The following SLC45A4 variants were observed in gnomAD, a reference collection of about 807,000 sequenced individuals.
The protein encoded by SLC45A4 is solute carrier family 45 member 4.
SLC45A4 carries 32 observed loss-of-function variants against 63.7 expected under a neutral mutation model. The observed-to-expected ratio is 0.50, with a 90% CI of 0.38 to 0.67. The LOEUF (loss-of-function observed/expected upper bound fraction) is 0.67, where lower values mean the gene tolerates loss of function less well. Ranked by LOEUF, SLC45A4 falls within the 30% of genes least tolerant of loss-of-function variation. SLC45A4 has a pLI of 0.00. For synonymous variants in SLC45A4, 535 were observed against 510.0 expected (o/e 1.05, Z -0.66); for missense variants, 1,027 against 1,157.7 (o/e 0.89, Z 1.64).
At chr8:141,283,527 C>T (rs1030524497) in intron 1 of SLC45A4, among the ~76,000 whole-genome samples, 1 of 152,242 alleles carries the variant, frequency 6.6e-6, no homozygotes, top group African/African-American at 2.4e-5. Context: ...AAATCAATTC[C>T]AGGCATCAAC....
At chr8:141,214,639 G>A (rs550969461) in intron 7 of SLC45A4, among the ~76,000 whole-genome samples, 2 of 152,302 alleles carry the variant, frequency 1.3e-5, no homozygotes, top group South Asian at 4.1e-4. Context: ...AGACAATCTT[G>A]AAGAAGAACA....
intron 2 of SLC45A4, chr8:141,224,242 T>G (rs767528201): frequency 1.3e-5 from 2 of 151,874 alleles, no homozygotes; most frequent in East Asian, 3.9e-4. Flanking sequence ...TTGTATGTCA[T>G]GGATCCTTTT....
chr8:141,274,851 CCTT>C (rs1033221728), intron 1 of SLC45A4, among the ~76,000 whole-genome samples: 3 of 152,254 alleles, frequency 2.0e-5, no homozygotes, highest in Admixed American at 1.3e-4. Context: ...TCTGCAAAAC[CCTT>C]CTACTTCCTC....
intron 2 of SLC45A4, among the ~76,000 whole-genome samples, chr8:141,253,547 C>T (rs1473794089): frequency 2.0e-5 from 3 of 152,212 alleles, no homozygotes; most frequent in African/African-American, 7.2e-5. Flanking sequence ...TTTGCGAATG[C>T]AATCACTTTA....
At position 141,211,283 on chromosome 8, in the gene SLC45A4, C is replaced by T. The variant is rs1825789274; in HGVS notation, c.*289G>A. On this transcript the variant is annotated 3_prime_UTR_variant, in exon 9 of 9. Transcript: ENST00000517878. ...GGAGCGGTCTGGAGGGGCAACCTGG[C>T]CTCCTAGGAGAGTCCTTCAGACGGG... is the stretch of plus-strand genomic sequence containing the variant. 2.0e-5 allele frequency: 15 copies of T among 740,722 alleles called. 1 individual carries two copies. In the South Asian group the frequency reaches 5.3e-4, roughly 26 times the overall value. The allele number at this position is 740,722 out of a possible 1,614,324, so 45.9% of individuals were successfully genotyped here.
intron 1 of SLC45A4, among the ~76,000 whole-genome samples, chr8:141,271,440 G>A (rs1829516087): frequency 6.6e-6 from 1 of 152,230 alleles, no homozygotes; most frequent in Admixed American, 6.5e-5. Flanking sequence ...CAGGGCACAT[G>A]GCTGGCGACT....
chr8:141,248,343 G>C (rs533301531), intron 2 of SLC45A4, among the ~76,000 whole-genome samples: 2 of 152,208 alleles, frequency 1.3e-5, no homozygotes, highest in Non-Finnish European at 2.9e-5. Flanking sequence ...TCAGGCAGGA[G>C]GATCACTTGA....
intron 1 of SLC45A4, among the ~76,000 whole-genome samples, chr8:141,307,871 AGAG>A (rs528122517): frequency 7.1e-6 from 1 of 141,074 alleles, no homozygotes; most frequent in Non-Finnish European, 1.5e-5. Flanking sequence ...CAATCCGGAA[AGAG>A]GAGGCGGGAA....
chr8:141,238,764 C>A (rs1827750843), intron 2 of SLC45A4, among the ~76,000 whole-genome samples: 1 of 152,196 alleles, frequency 6.6e-6, no homozygotes, highest in African/African-American at 2.4e-5. Flanking sequence ...CTCCCCAATA[C>A]CAGGCATGAT....
intron 2 of SLC45A4, chr8:141,253,219 GCGTGTCTGTGAATTTCCGTGTTTTCA>G (rs1828602543): frequency 1.6e-5 from 2 of 125,396 alleles, no homozygotes; most frequent in East Asian, 4.3e-4. Flanking sequence ...ATGCCCACCT[GCGTGTCTGTGAATTTCCGTGTTTTCA>G]TGCCCACCTG....
At chr8:141,223,678 C>T (rs1826797914) in intron 2 of SLC45A4, among the ~76,000 whole-genome samples, 1 of 152,246 alleles carries the variant, frequency 6.6e-6, no homozygotes. Flanking sequence ...CCTTTTCAAA[C>T]TCCTTGGGGG....
At chr8:141,304,705 T>G (rs539347225) in intron 1 of SLC45A4, among the ~76,000 whole-genome samples, 1 of 152,182 alleles carries the variant, frequency 6.6e-6, no homozygotes, top group Admixed American at 6.5e-5. Context: ...ATCTAACCAG[T>G]CGCACTCAAC....
At chr8:141,230,739 C>T (rs1205136324) in intron 2 of SLC45A4, among the ~76,000 whole-genome samples, 1 of 152,202 alleles carries the variant, frequency 6.6e-6, no homozygotes, top group Non-Finnish European at 1.5e-5. Flanking sequence ...AGTCTCCTGC[C>T]CAGGGAAGTG....
At chr8:141,244,334 T>G (rs1447302386) in intron 2 of SLC45A4, among the ~76,000 whole-genome samples, 2 of 152,168 alleles carry the variant, frequency 1.3e-5, no homozygotes, top group African/African-American at 4.8e-5. Flanking sequence ...CGGAATGTAA[T>G]ACATCAGCTT....
chr8:141,212,275 A>G lies in SLC45A4; in HGVS notation c.2223T>C (p.Gly741=), dbSNP rs7017848. Residue 741 remains glycine (G), a synonymous_variant, in exon 8 of 9, where the codon GGT becomes GGC. Transcript: ENST00000517878. ...SSPLAGEGRA[G]GNSEKPTVLK... is the part of the protein sequence containing the mutation. Reference sequence around the variant, plus strand: ...GCACGGTGGGCTTTTCGCTGTTCCCACCGGCCCTGCCTTCGCCGGCCAACG... The same window carrying G: ...GCACGGTGGGCTTTTCGCTGTTCCCGCCGGCCCTGCCTTCGCCGGCCAACG... 965,518 of 1,600,902 alleles carry G rather than the reference A, an allele frequency of 0.6. 293,856 individuals are homozygous for G. Among genetic ancestry groups the G allele is most frequent in the East Asian group, 0.81 (35,985 of 44,602 alleles).
At chr8:141,294,421 C>A (rs564536733) in intron 1 of SLC45A4, among the ~76,000 whole-genome samples, 7 of 152,228 alleles carry the variant, frequency 4.6e-5, no homozygotes, top group African/African-American at 9.6e-5. Context: ...CCCCAGCCCC[C>A]GCCTCACCAA....
intron 1 of SLC45A4, among the ~76,000 whole-genome samples, chr8:141,292,527 C>A (rs1444311170): frequency 6.6e-6 from 1 of 152,256 alleles, no homozygotes; most frequent in Non-Finnish European, 1.5e-5. Flanking sequence ...CCCGCTCCTG[C>A]ACCCCTGCTC....
In SLC45A4 at chr8:141,218,958, G is replaced by A. The variant is rs763099947; in HGVS notation, c.682C>T (p.Arg228Trp). The change falls in exon 5 of 9, where the codon CGG becomes TGG. Residue 228 changes from arginine (R) to tryptophan (W), a missense_variant. By Grantham distance (101) the Arg-to-Trp change is moderately radical (BLOSUM62 -3). Coordinates refer to ENST00000517878, the MANE Select transcript of SLC45A4 (RefSeq NM_001286646.2). The stretch of plus-strand genomic sequence containing the variant: ...AAGAAGAGCACCTGGTTCTGGGTCC[G>A]GAACCAGCTGCCCAGGAAGGTCTGG... ...WTQTFLGSWF[R>W]TQNQVLFFFA... 1.3e-5 allele frequency: 21 copies of A among 1,613,520 alleles called. No individual in the cohort carries two copies. The highest frequency in any genetic ancestry group is 5.5e-5 in the South Asian group (5 of 91,074).
intron 1 of SLC45A4, among the ~76,000 whole-genome samples, chr8:141,304,861 T>C (rs982239109): frequency 3.3e-5 from 5 of 152,190 alleles, no homozygotes; most frequent in African/African-American, 1.2e-4. Context: ...GGCTGCCCTC[T>C]AAGTCTGTGG....
Sources: allele counts gnomAD v4.1 joint callset (sites outside exome capture counted in the v4.1 genomes callset), GRCh38; gene constraint gnomAD v4.1.1; transcripts MANE v1.5; gene names NCBI Gene and HGNC (gene_info 2026-07-23, HGNC 2026-07-21).